The following MDN1 variants were observed in gnomAD, a reference collection of about 807,000 sequenced individuals.
MDN1 encodes midasin AAA ATPase 1.
Under a neutral mutation model 669.2 loss-of-function variants are expected in MDN1, and 266 were observed. That is an observed-to-expected ratio of 0.40 (90% CI 0.36 to 0.44). The LOEUF is 0.44. MDN1 is among the 20% of genes least tolerant of loss of function. The pLI is 1.00. For synonymous variants in MDN1, 2,385 were observed against 2,457.1 expected, an observed-to-expected ratio of 0.97 and a Z score of 0.87; for missense variants, 5,940 against 6,754.0, an observed-to-expected ratio of 0.88 and a Z score of 4.22.
chr6:89,668,054 C>CCCT lies in MDN1; in HGVS notation c.14051_14053dup (p.Glu4684dup). The CCCT allele has an allele frequency of 1.2e-6, 2 of 1,614,118 alleles. No homozygotes were observed. The highest frequency in any genetic ancestry group is 1.7e-6 in the Non-Finnish European group (2 of 1,180,004). ...GATCTGGTCACTCACATCCTTCATG[C>CCCT]CCTCGCCTTCTCCAATTCCACCTCC... On this transcript the variant is annotated inframe_insertion, in exon 84 of 102. Transcript: ENST00000369393.
chr6:89,730,868 T>C lies in MDN1; in HGVS notation c.4998A>G (p.Lys1666=). 1 of 1,614,046 alleles carries C rather than the reference T, an allele frequency of 6.2e-7. No individual in the cohort carries two copies. Among genetic ancestry groups the C allele is most frequent in the African/African-American group, 1.3e-5 (1 of 75,022 alleles). ...TALLARKECL[K]FLIKRLAKIV... The stretch of plus-strand genomic sequence containing the variant: ...TCTTGGCAAGCCTCTTGATTAGAAA[T>C]TTCAGACATTCTTTTCGTGCCAAAA... Residue 1666 remains lysine, a synonymous_variant, in exon 35 of 102, where the codon AAA becomes AAG. Coordinates refer to ENST00000369393, the MANE Select transcript of MDN1 (RefSeq NM_014611.3).
intron 73 of MDN1, among the ~76,000 whole-genome samples, chr6:89,682,713 A>C (rs28651287): frequency 0.55 from 69,882 of 127,690 alleles, 21,295 homozygotes; most frequent in East Asian, 0.91. Flanking sequence ...AAAAAAAAAA[A>C]AAAAAAAAAA....
chr6:89,673,913 T>A (rs1811001278), intron 79 of MDN1, among the ~76,000 whole-genome samples, 191 bp downstream of exon 79: 2 of 152,060 alleles, frequency 1.3e-5, no homozygotes, highest in African/African-American at 4.8e-5. Context: ...TCCGCTGAAG[T>A]CTCAGAACCT....
At position 89,790,384 on chromosome 6, in the gene MDN1, A is replaced by C; in HGVS notation, c.873T>G (p.Ser291=). ...TAAGGGCCAGCTCCTGTTCACGTGAAGAACTCCTATTACCACCCTAAAGAG... is the reference window on the plus strand; with the variant it reads ...TAAGGGCCAGCTCCTGTTCACGTGACGAACTCCTATTACCACCCTAAAGAG... The part of the protein sequence containing the change: ...APGELGGNRS[S]SREQELALRS... The change falls in exon 6 of 102, where the codon TCT becomes TCG. Residue 291 remains serine, a synonymous_variant. Transcript: ENST00000369393. The C allele has an allele frequency of 6.2e-7, 1 of 1,613,940 alleles. No homozygotes were observed. Among genetic ancestry groups the C allele is most frequent in the Non-Finnish European group, 8.5e-7 (1 of 1,179,994 alleles).
At position 89,793,880 on chromosome 6, in the gene MDN1, C is replaced by G. The variant is rs375183845; in HGVS notation, c.737G>C (p.Arg246Pro). 6.2e-7 allele frequency: 1 copy of G among 1,614,018 alleles called. No homozygotes were observed. Among genetic ancestry groups the G allele is most frequent in the Non-Finnish European group, 8.5e-7 (1 of 1,179,874 alleles). The change falls in exon 5 of 102, where the codon CGT becomes CCT. Residue 246 changes from arginine to proline, a missense_variant. Arg to Pro is a moderately radical substitution (Grantham distance 103, BLOSUM62 -2). This residue lies in a region of MDN1 where 1,203 missense variants were observed against 1,268.9 expected (regional missense o/e 0.95). Coordinates refer to ENST00000369393, the MANE Select transcript of MDN1 (RefSeq NM_014611.3). ...TAAGTACTGCAGCTCCTTCTGCTTA[C>G]GCCAAAGGGAGACTTCTGGATTGGC... ...VLANPEVSLW[R>P]KQKELQYLQG...
At chr6:89,714,394 G>A (rs1057320005) in intron 46 of MDN1, 149 bp downstream of exon 46, 2 of 711,062 alleles carry the variant, frequency 2.8e-6, no homozygotes, top group South Asian at 2.3e-5. Flanking sequence ...AATCTCTTGG[G>A]GTGTCTGGAA....
chr6:89,683,016 A>ATCTTT, intron 73 of MDN1, 116 bp downstream of exon 73: 1 of 1,057,666 alleles, frequency 9.5e-7, no homozygotes, highest in South Asian at 1.6e-5. Flanking sequence ...ATATGTCCAA[A>ATCTTT]GAACAAGATT....
chr6:89,740,948 T>C (rs1390254779), intron 31 of MDN1, among the ~76,000 whole-genome samples: 2 of 152,194 alleles, frequency 1.3e-5, no homozygotes, highest in African/African-American at 2.4e-5. Flanking sequence ...AACTGGATTG[T>C]AGGCCGGGCG....
intron 54 of MDN1, 62 bp from the exon 55 acceptor site, chr6:89,701,740 G>C: frequency 6.4e-7 from 1 of 1,565,054 alleles, no homozygotes; most frequent in Non-Finnish European, 8.6e-7. Context: ...GACAGTAAGA[G>C]AAGCCATTAA....
rs766708433 is a variant in MDN1, at chr6:89,683,255, G to C, written c.11979C>G (p.Asp3993Glu). The C allele has an allele frequency of 6.2e-7, 1 of 1,614,020 alleles. No homozygotes were observed. Among genetic ancestry groups the C allele is most frequent in the Non-Finnish European group, 8.5e-7 (1 of 1,180,030 alleles). Residue 3993 changes from aspartate (D) to glutamate (E), a missense_variant, in exon 73 of 102, where the codon GAC becomes GAG. By Grantham distance (45) the Asp-to-Glu change is conservative. Around this residue, in one of 5 missense-constraint regions of MDN1, gnomAD observed 2,280 missense variants for 2,576.3 expected, o/e 0.88. Transcript: ENST00000369393. ...GCAAAAAGTCAGGCTGTTCTTCCTT[G>C]TCACTCTCCACCAGGGATGACCGGC... ...EPCRSSLVES[D>E]KEEQPDFLPR...
chr6:89,662,308 T>A (rs1331183946), intron 86 of MDN1, 69 bp from the exon 87 acceptor site: 3 of 1,490,048 alleles, frequency 2.0e-6, no homozygotes, highest in Non-Finnish European at 2.7e-6. Flanking sequence ...ATGGGTTGAC[T>A]TTTAGACATG....
intron 41 of MDN1, 31 bp from the exon 42 acceptor site, chr6:89,719,061 A>G (rs1330848827): frequency 1.2e-6 from 2 of 1,613,898 alleles, no homozygotes; most frequent in Non-Finnish European, 1.7e-6. Flanking sequence ...GATTTCCATA[A>G]GCGTGCCTGG....
chr6:89,723,367 G>A, intron 39 of MDN1, 145 bp downstream of exon 39: 1 of 666,474 alleles, frequency 1.5e-6, no homozygotes, highest in Non-Finnish European at 2.5e-6. Context: ...CCACTACATA[G>A]TGTCCCTTCC....
At chr6:89,689,754 A>G (rs1812252631) in intron 65 of MDN1, 116 bp downstream of exon 65, 2 of 1,255,500 alleles carry the variant, frequency 1.6e-6, no homozygotes, top group Non-Finnish European at 2.2e-6. Flanking sequence ...GGAAACTCCA[A>G]TAAGGAATTA....
At position 89,718,465 on chromosome 6, in the gene MDN1, C is replaced by T. The variant is rs147857799; in HGVS notation, c.6484G>A (p.Gly2162Ser). The T allele has an allele frequency of 1.1e-5, 17 of 1,614,024 alleles. No individual in the cohort carries two copies. The highest frequency in any genetic ancestry group is 1.4e-5 in the Non-Finnish European group (17 of 1,180,028). Residue 2162 changes from glycine to serine, a missense_variant, in exon 43 of 102, where the codon GGT becomes AGT. Physicochemically the swap from Gly to Ser is moderately conservative, Grantham distance 56 (BLOSUM62 0). Transcript: ENST00000369393. ...LTYKPKCLGEGGKAITMEIVN... is the reference protein window; with the variant it reads ...LTYKPKCLGESGKAITMEIVN... ...ATCTCCATCGTGATAGCTTTACCAC[C>T]TTCTCCAAGACACTTAGGCTTATAT...
At chr6:89,648,973 A>G (rs1808670896) in intron 97 of MDN1, among the ~76,000 whole-genome samples, 1 of 149,672 alleles carries the variant, frequency 6.7e-6, no homozygotes, top group African/African-American at 2.4e-5. Flanking sequence ...TAAGCAACAG[A>G]GCAAGACCCT....
chr6:89,768,873 T>G (rs1214256873), intron 15 of MDN1, among the ~76,000 whole-genome samples: 3 of 152,062 alleles, frequency 2.0e-5, no homozygotes, highest in Admixed American at 6.5e-5. Flanking sequence ...CTGGGCAACA[T>G]AGTGAGACCT....
chr6:89,783,092 G>A (rs530673737), intron 9 of MDN1, among the ~76,000 whole-genome samples: 14 of 152,136 alleles, frequency 9.2e-5, no homozygotes, highest in Non-Finnish European at 1.6e-4. Flanking sequence ...GAATAACAGC[G>A]ATTTTTAGGG....
chr6:89,675,977 C>T, intron 77 of MDN1, 125 bp downstream of exon 77: 2 of 769,856 alleles, frequency 2.6e-6, no homozygotes, highest in Non-Finnish European at 4.2e-6. Flanking sequence ...TAAGGATGTA[C>T]TGCAAAAAGC....
Sources: gnomAD v4.1 joint callset for allele counts (sites outside exome capture counted in the v4.1 genomes callset) on GRCh38, gnomAD v4.1.1 for gene constraint, gnomAD v4.1.1 regional missense constraint, MANE v1.5 for transcripts, NCBI Gene and HGNC (gene_info 2026-07-23, HGNC 2026-07-21) for gene names.